Variants in RECQL observed in about 807,000 individuals in gnomAD.
The protein encoded by RECQL is ATP-dependent DNA helicase Q1.
RECQL carries 73 observed loss-of-function variants against 75.8 expected under a neutral mutation model. The observed-to-expected ratio is 0.96, with a 90% CI of 0.80 to 1.17. RECQL has a LOEUF of 1.17. Among genes scored for constraint, RECQL ranks in the 50% most tolerant of loss-of-function variants. RECQL has a pLI of 0.00. For synonymous variants in RECQL, 248 were observed against 254.4 expected (o/e 0.97, Z 0.24); for missense variants, 699 against 772.1 (o/e 0.91, Z 1.12).
Position 21,490,250 on chromosome 12 carries a change from T to C in RECQL, c.343A>G (p.Thr115Ala). 1.9e-6 allele frequency: 3 copies of C among 1,613,116 alleles called. No individual in the cohort carries two copies. The highest frequency in any genetic ancestry group is 1.1e-5 in the South Asian group (1 of 91,054). Reference protein sequence around the residue: ...AGKEVFLVMPTGGGKSLCYQL... With the variant: ...AGKEVFLVMPAGGGKSLCYQL... The stretch of plus-strand genomic sequence containing the variant: ...TAACATAAGCTCTTTCCACCTCCTG[T>C]AGGCATAACAAGAAATACCTCCTTT... Residue 115 changes from threonine (T) to alanine (A), a missense_variant, in exon 4 of 15, where the codon ACA becomes GCA. Thr to Ala is a moderately conservative substitution (Grantham distance 58). Transcript: ENST00000444129.
rs146257688 is a variant in RECQL, at chr12:21,498,047, C to T, written c.16+1508G>A. Among the ~76,000 whole-genome samples, 483 of 152,324 alleles carry T rather than the reference C, an allele frequency of 3.2e-3. 4 individuals are homozygous for T. Among genetic ancestry groups the T allele is most frequent in the African/African-American group, 0.011 (457 of 41,562 alleles). ...ATCATGTCCACCATCCAGGAATTCA[C>T]GGAATTCCTACTGATTGTCATCGTA... On this transcript the variant is annotated intron_variant, in intron 2 of 14. Transcript: ENST00000444129.
chr12:21,471,717 G>A (rs1942970818), intron 12 of RECQL, 70 bp from the exon 13 acceptor site: 2 of 1,234,794 alleles, frequency 1.6e-6, no homozygotes, highest in Non-Finnish European at 2.4e-6. Context: ...GCTATCTTAA[G>A]TAGTTAAACT....
At chr12:21,473,430 G>A in intron 12 of RECQL, 121 bp downstream of exon 12, 2 of 737,912 alleles carry the variant, frequency 2.7e-6, no homozygotes, top group Non-Finnish European at 4.6e-6. Flanking sequence ...GTTTATGTAA[G>A]TACACTTTGA....
chr12:21,496,011 T>A (rs10841835), intron 2 of RECQL, among the ~76,000 whole-genome samples: 64,177 of 152,072 alleles, frequency 0.42, 14,850 homozygotes, highest in East Asian at 0.68. Context: ...AGGATTATTA[T>A]TATAGGAAAG....
At chr12:21,471,793 G>GA in intron 12 of RECQL, 146 bp from the exon 13 acceptor site, 1 of 653,084 alleles carries the variant, frequency 1.5e-6, no homozygotes, top group Admixed American at 2.7e-5. Flanking sequence ...TCTGAATTAA[G>GA]ACTAGGCTAT....
rs754948157 is a variant in RECQL at position 21,491,535 on chromosome 12, G to A, written c.198C>T (p.Ala66=). ...AAAGTTAACCTTCTTTATTCCAAGC[G>A]GCAGGTGAAGAATCATATTCATTGC... The part of the protein sequence containing the change: ...GASNEYDSSP[A]AWNKEDFPWS... The change falls in exon 3 of 15, where the codon GCC becomes GCT. Residue 66 remains alanine (A), a synonymous_variant. Coordinates refer to ENST00000444129, the MANE Select transcript of RECQL (RefSeq NM_002907.4). The A allele has an allele frequency of 2.9e-5, 46 of 1,594,608 alleles. No individual in the cohort carries two copies. The highest frequency in any genetic ancestry group is 1.8e-4 in the Admixed American group (10 of 55,884).
At chr12:21,477,387 G>C (rs1407940919) in intron 7 of RECQL, among the ~76,000 whole-genome samples, 1 of 152,144 alleles carries the variant, frequency 6.6e-6, no homozygotes, top group Non-Finnish European at 1.5e-5. Flanking sequence ...TGATTTTCAA[G>C]TTTATCAAAT....
chr12:21,500,233 G>A (rs1398491001), intron 1 of RECQL, among the ~76,000 whole-genome samples: 1 of 152,150 alleles, frequency 6.6e-6, no homozygotes, highest in Non-Finnish European at 1.5e-5. Context: ...AGAAAAGCTA[G>A]ATTTTCTAAG....
In RECQL at chr12:21,483,425, A is replaced by C. The variant is rs776430701; in HGVS notation, c.651T>G (p.Ala217=). The C allele has an allele frequency of 1.2e-6, 2 of 1,606,098 alleles. No individual in the cohort carries two copies. Among genetic ancestry groups the C allele is most frequent in the Non-Finnish European group, 1.7e-6 (2 of 1,177,874 alleles). ...AYEARRFTRI[A]VDEVHCCSQW... is the part of the protein sequence containing the mutation. ...GACTACAGCAGTGAACTTCATCCAC[A>C]GCAATTCGAGTAAATCTCCTTGCTT... Residue 217 remains alanine, a synonymous_variant, in exon 6 of 15, where the codon GCT becomes GCG. Transcript: ENST00000444129.
At position 21,490,201 on chromosome 12, in the gene RECQL, T is replaced by A; in HGVS notation, c.392A>T (p.Asp131Val). 1.3e-6 allele frequency: 2 copies of A among 1,599,624 alleles called. No homozygotes were observed. The highest frequency in any genetic ancestry group is 1.7e-6 in the Non-Finnish European group (2 of 1,168,980). Residue 131 changes from aspartate (D) to valine (V), a missense_variant and splice_region_variant, in exon 4 of 15, where the codon GAT becomes GTT. By Grantham distance (152) the Asp-to-Val change is radical. This residue lies in a region of RECQL where 669 missense variants were observed against 713.5 expected (regional missense o/e 0.94). Transcript: ENST00000444129. ...AAATTAATTTTTTTAGTACATACCA[T>A]CTGAACATAATGCTGGTAACTGGTA... is the stretch of plus-strand genomic sequence containing the variant. ...LCYQLPALCS[D>V]GFTLVICPLI...
chr12:21,500,281 T>A (rs117892559), intron 1 of RECQL, among the ~76,000 whole-genome samples: 33 of 152,298 alleles, frequency 2.2e-4, no homozygotes, highest in Non-Finnish European at 4.1e-4. Context: ...TTGTAATGAT[T>A]TCTAAGTATC....
chr12:21,487,798 GC>G (rs777129270), intron 4 of RECQL, among the ~76,000 whole-genome samples: 19 of 152,090 alleles, frequency 1.2e-4, no homozygotes, highest in Non-Finnish European at 2.5e-4. Context: ...TGAAGGGAGT[GC>G]CCTTTCTTTG....
rs1942968274 is a variant in RECQL at position 21,471,632 on chromosome 12, TTC to T, written c.1461_1462del (p.Asn488HisfsTer20). ...TAGATCTCTGCAGTACTCTGTTATG[TTC>T]TTTCTTTCAAATGCTGTAATAAAAC... On this transcript the variant is annotated frameshift_variant, in exon 13 of 15. Transcript: ENST00000444129. LOFTEE classifies it high-confidence loss of function. The T allele has an allele frequency of 1.2e-6, 2 of 1,612,148 alleles. No individual in the cohort carries two copies. Among genetic ancestry groups the T allele is most frequent in the African/African-American group, 2.7e-5 (2 of 74,812 alleles).
intron 6 of RECQL, among the ~76,000 whole-genome samples, chr12:21,478,960 G>T (rs915003089): frequency 6.6e-6 from 1 of 152,200 alleles, no homozygotes; most frequent in Non-Finnish European, 1.5e-5. Flanking sequence ...AGAGGCGATA[G>T]CTACTCACAG....
chr12:21,488,776 T>C (rs1943353898), intron 4 of RECQL, among the ~76,000 whole-genome samples: 2 of 152,192 alleles, frequency 1.3e-5, no homozygotes, highest in African/African-American at 4.8e-5. Flanking sequence ...CTGCTAGAAT[T>C]ATCCTTCTAA....
intron 13 of RECQL, 30 bp from the exon 14 acceptor site, chr12:21,471,128 A>G: frequency 6.5e-7 from 1 of 1,541,192 alleles, no homozygotes; most frequent in South Asian, 1.3e-5. Flanking sequence ...ACAATAAGAA[A>G]GCTTTTGAAG....
chr12:21,478,882 G>T (rs1943137309), intron 6 of RECQL, among the ~76,000 whole-genome samples: 1 of 152,180 alleles, frequency 6.6e-6, no homozygotes, highest in South Asian at 2.1e-4. Flanking sequence ...GGTCATCCTA[G>T]TTCTTTTCCA....
chr12:21,482,742 T>A (rs906127265), intron 6 of RECQL, among the ~76,000 whole-genome samples: 1 of 152,176 alleles, frequency 6.6e-6, no homozygotes, highest in Non-Finnish European at 1.5e-5. Context: ...CAAATCCTAA[T>A]GTGTGAAAAG....
At chr12:21,473,988 C>T (rs1212858771) in intron 11 of RECQL, among the ~76,000 whole-genome samples, 4 of 152,080 alleles carry the variant, frequency 2.6e-5, no homozygotes, top group African/African-American at 7.2e-5. Flanking sequence ...GGAATTAGGA[C>T]GTGAACATCT....
Sources: gnomAD v4.1 joint callset for allele counts (sites outside exome capture counted in the v4.1 genomes callset) on GRCh38, gnomAD v4.1.1 for gene constraint, gnomAD v4.1.1 regional missense constraint, MANE v1.5 for transcripts, NCBI Gene and HGNC (gene_info 2026-07-23, HGNC 2026-07-21) for gene names.